Variants in SLFN14 observed in about 807,000 individuals in gnomAD.
SLFN14 encodes the protein protein SLFN14.
In SLFN14, 47 loss-of-function variants were observed where a neutral mutation model predicts 58.6. The ratio of observed to expected loss-of-function variants is 0.80; its 90% CI spans 0.64 to 1.02. SLFN14 has a LOEUF of 1.02. Among genes scored for constraint, SLFN14 ranks in the 50% least tolerant of loss-of-function variants. SLFN14 has a pLI of 0.00. For synonymous variants in SLFN14, 390 were observed against 387.3 expected, an observed-to-expected ratio of 1.01 and a Z score of -0.08; for missense variants, 967 against 1,078.4, an observed-to-expected ratio of 0.90 and a Z score of 1.45.
chr17:35,551,375 C>T (rs1185504933), intron 5 of SLFN14, among the ~76,000 whole-genome samples: 3 of 152,200 alleles, frequency 2.0e-5, no homozygotes, highest in African/African-American at 7.2e-5. Context: ...TGTGGTACCT[C>T]AGCCTATCGT....
rs1223768782 is a variant in SLFN14 at position 35,544,387 on chromosome 17, A to G, written c.*3852T>C. On this transcript the variant is annotated 3_prime_UTR_variant, in exon 6 of 6. Transcript: ENST00000674182. ...TATCTCACAAAACAATTAAATGGAA[A>G]AAGCACACATATACGTTATAAAGTT... is the stretch of plus-strand genomic sequence containing the variant. Among the ~76,000 whole-genome samples, 1 of 151,096 alleles carries G rather than the reference A, an allele frequency of 6.6e-6. No homozygotes were observed. The highest frequency in any genetic ancestry group is 1.5e-5 in the Non-Finnish European group (1 of 67,902).
At chr17:35,552,709 T>C in intron 5 of SLFN14, 21 bp downstream of exon 5, 1 of 1,502,314 alleles carries the variant, frequency 6.7e-7, no homozygotes, top group Non-Finnish European at 9.0e-7. Flanking sequence ...TTTGTGTGTG[T>C]GTAGTTGGTA....
chr17:35,553,369 C>A lies in SLFN14; in HGVS notation c.1265G>T (p.Gly422Val). 1 of 1,551,642 alleles carries A rather than the reference C, an allele frequency of 6.4e-7. No individual in the cohort carries two copies. The highest frequency in any genetic ancestry group is 1.2e-5 in the South Asian group (1 of 84,058). ...KLFSDHKELE[G>V]LMKTLIHPCS... ...AGGATGTATCAGGGTCTTCATTAAA[C>A]CCTCCAGTTCTTTATGATCTGAGAA... Residue 422 changes from glycine (G) to valine (V), a missense_variant, in exon 5 of 6, where the codon GGT (glycine) becomes GTT (valine). By Grantham distance (109) the Gly-to-Val change is moderately radical. Coordinates refer to ENST00000674182, the MANE Select transcript of SLFN14 (RefSeq NM_001129820.2).
chr17:35,550,306 G>A (rs1396812283), intron 5 of SLFN14, among the ~76,000 whole-genome samples: 9 of 152,344 alleles, frequency 5.9e-5, no homozygotes, highest in Non-Finnish European at 1.0e-4. Flanking sequence ...AGCACTTTGC[G>A]AGAAGGAGGT....
At position 35,548,438 on chromosome 17, in the gene SLFN14, A is replaced by G; in HGVS notation, c.2540T>C (p.Val847Ala). The G allele has an allele frequency of 6.4e-7, 1 of 1,551,638 alleles. No individual in the cohort carries two copies. The highest frequency in any genetic ancestry group is 1.2e-5 in the South Asian group (1 of 84,060). ...AACACCGGTGGCCGGGCTAAACACAACCTCTGATGGTCTGTGGGTCTCAAT... is the reference window on the plus strand; with the variant it reads ...AACACCGGTGGCCGGGCTAAACACAGCCTCTGATGGTCTGTGGGTCTCAAT... ...ELIETHRPSE[V>A]VFSPATGVWG... Residue 847 changes from valine to alanine, a missense_variant, in exon 6 of 6, where the codon GTT becomes GCT. Transcript: ENST00000674182.
rs1024104226 is a variant in SLFN14, at chr17:35,545,889, A to AT, written c.*2349dup. 2.0e-5 allele frequency among the ~76,000 whole-genome samples: 3 copies of AT among 152,026 alleles called. No individual in the cohort carries two copies. The highest frequency in any genetic ancestry group is 1.9e-4 in the East Asian group (1 of 5,178). ...AGTCTGGTGTCTGGCCTGATCACTGATTTTTTTTAAGTCGCCCAGGAAATT... is the reference window on the plus strand; with the variant it reads ...AGTCTGGTGTCTGGCCTGATCACTGATTTTTTTTTAAGTCGCCCAGGAAATT... On this transcript the variant is annotated 3_prime_UTR_variant, in exon 6 of 6. Transcript: ENST00000674182.
rs2072613042 is a variant in SLFN14 at position 35,553,153 on chromosome 17, T to C, written c.1481A>G (p.Gln494Arg). ...YARNTAHQLK[Q>R]KLQTVGGYTG... ...GTAACCACCAACAGTTTGCAGTTTC[T>C]GCTTTAACTGATGAGCTGTGTTTCG... is the stretch of plus-strand genomic sequence containing the variant. Residue 494 changes from glutamine (Q) to arginine (R), a missense_variant, in exon 5 of 6, where the codon CAG (glutamine) becomes CGG (arginine). By Grantham distance (43) the Gln-to-Arg change is conservative. Coordinates refer to ENST00000674182, the MANE Select transcript of SLFN14 (RefSeq NM_001129820.2). The C allele has an allele frequency of 6.4e-7, 1 of 1,551,702 alleles. No individual in the cohort carries two copies. The highest frequency in any genetic ancestry group is 1.2e-5 in the South Asian group (1 of 84,066).
intron 5 of SLFN14, among the ~76,000 whole-genome samples, chr17:35,552,480 G>T (rs2072599846): frequency 1.3e-5 from 2 of 151,910 alleles, no homozygotes; most frequent in African/African-American, 4.8e-5. Context: ...ACAGCAGGAG[G>T]GACAATGATC....
chr17:35,556,392 G>C (rs2072652965), intron 3 of SLFN14, among the ~76,000 whole-genome samples: 1 of 152,034 alleles, frequency 6.6e-6, no homozygotes. Flanking sequence ...ATTTTGACTG[G>C]GATGATCAGC....
In SLFN14 at chr17:35,548,677, C is replaced by A; in HGVS notation, c.2301G>T (p.Glu767Asp). 2 of 1,551,730 alleles carry A rather than the reference C, an allele frequency of 1.3e-6. No individual in the cohort carries two copies. The highest frequency in any genetic ancestry group is 1.7e-6 in the Non-Finnish European group (2 of 1,146,996). Reference sequence around the variant, plus strand: ...CACACGTTGCTTCCTCATAGGCAGTCTCGCTGAACAATGCTAATGTGTCTG... The same window carrying A: ...CACACGTTGCTTCCTCATAGGCAGTATCGCTGAACAATGCTAATGTGTCTG... Reference protein sequence around the residue: ...MSPDTLALFSETAYEEATCAQ... With the variant: ...MSPDTLALFSDTAYEEATCAQ... The change falls in exon 6 of 6, where the codon GAG (glutamate) becomes GAT (aspartate). Residue 767 changes from glutamate to aspartate, a missense_variant. Physicochemically the swap from Glu to Asp is conservative, Grantham distance 45. Transcript: ENST00000674182.
In SLFN14 at chr17:35,553,061, T is replaced by C; in HGVS notation, c.1573A>G (p.Ile525Val). The C allele has an allele frequency of 6.4e-7, 1 of 1,551,602 alleles. No homozygotes were observed. The highest frequency in any genetic ancestry group is 8.7e-7 in the Non-Finnish European group (1 of 1,146,972). The change falls in exon 5 of 6, where the codon ATC becomes GTC. Residue 525 changes from isoleucine to valine, a missense_variant. Transcript: ENST00000674182. Reference sequence around the variant, plus strand: ...TAGGACCTGGGGTAACGCAGGGGGATCTCACCAGGTCTACTCTGTGTGCTG... The same window carrying C: ...TAGGACCTGGGGTAACGCAGGGGGACCTCACCAGGTCTACTCTGTGTGCTG... ...LSSTQSRPGE[I>V]PLRYPRSYRL... is the part of the protein sequence containing the mutation.
chr17:35,554,747 A>T (rs1351219454), intron 3 of SLFN14, 43 bp from the exon 4 acceptor site: 3 of 1,244,342 alleles, frequency 2.4e-6, no homozygotes, highest in Middle Eastern at 2.1e-4. Flanking sequence ...AAAAATAAAA[A>T]GTTAAAAAAA....
Position 35,548,526 on chromosome 17 carries a change from G to T in SLFN14, c.2452C>A (p.Leu818Met). Residue 818 changes from leucine to methionine, a missense_variant, in exon 6 of 6, where the codon CTG (leucine) becomes ATG (methionine). By Grantham distance (15) the Leu-to-Met change is conservative. Transcript: ENST00000674182. ...CGYLPKDIAI[L>M]CRRGEDRGRY... ...CCTCTGTCCTCCCCTCTCCTGCACA[G>T]AATTGCTATATCTTTGGGCAGATAG... is the stretch of plus-strand genomic sequence containing the variant. 6.4e-7 allele frequency: 1 copy of T among 1,551,742 alleles called. No individual in the cohort carries two copies. Among genetic ancestry groups the T allele is most frequent in the Non-Finnish European group, 8.7e-7 (1 of 1,146,992 alleles).
chr17:35,555,160 CAGG>C (rs1454936407), intron 3 of SLFN14, among the ~76,000 whole-genome samples: 2 of 151,964 alleles, frequency 1.3e-5, no homozygotes, highest in Admixed American at 6.6e-5. Context: ...ATCACGAGGT[CAGG>C]AGATCAAGAC....
intron 5 of SLFN14, among the ~76,000 whole-genome samples, chr17:35,549,756 C>A (rs974311516): frequency 6.6e-6 from 1 of 152,300 alleles, no homozygotes; most frequent in African/African-American, 2.4e-5. Flanking sequence ...TCACTCATCC[C>A]TACAGATTCC....
At position 35,554,710 on chromosome 17, in the gene SLFN14, C is replaced by G; in HGVS notation, c.1061-6G>C. 7.6e-7 allele frequency: 1 copy of G among 1,314,276 alleles called. No individual in the cohort carries two copies. The highest frequency in any genetic ancestry group is 3.1e-5 in the East Asian group (1 of 32,528). 81.4% of individuals were successfully genotyped at this position (1,314,276 alleles called of 1,614,324 possible). A position where few individuals can be genotyped will look rare whatever the true frequency, so the allele number is the denominator to read the frequency against. On this transcript the variant is annotated splice_polypyrimidine_tract_variant and splice_region_variant and intron_variant, in intron 3 of 5. Coordinates refer to ENST00000674182, the MANE Select transcript of SLFN14 (RefSeq NM_001129820.2). ...TGTGACCAAACTGGGAGGAGCTAGA[C>G]AATTACATGGAAAGTTGTTTCAGAC... is the stretch of plus-strand genomic sequence containing the variant.
At chr17:35,559,039 A>T (rs2142214277) in intron 2 of SLFN14, among the ~76,000 whole-genome samples, 1 of 148,242 alleles carries the variant, frequency 6.7e-6, no homozygotes, top group Admixed American at 6.8e-5. Context: ...GCAAGACCCC[A>T]TCTCGACAAA....
At chr17:35,551,911 C>T (rs1418915468) in intron 5 of SLFN14, among the ~76,000 whole-genome samples, 1 of 152,162 alleles carries the variant, frequency 6.6e-6, no homozygotes, top group African/African-American at 2.4e-5. Flanking sequence ...TTCTTAGGAC[C>T]TCTAGCAGCT....
chr17:35,557,186 T>G lies in SLFN14; in HGVS notation c.877A>C (p.Thr293Pro). 1 of 1,551,766 alleles carries G rather than the reference T, an allele frequency of 6.4e-7. No homozygotes were observed. ...FCCEKPKVNF[T>P]TKILNVYQKD... ...TGGTACACATTCAGGATTTTTGTAGTGAAATTTACCTTTGGCTTCTCACAG... is the reference window on the plus strand; with the variant it reads ...TGGTACACATTCAGGATTTTTGTAGGGAAATTTACCTTTGGCTTCTCACAG... The change falls in exon 3 of 6, where the codon ACT (threonine) becomes CCT (proline). Residue 293 changes from threonine (T) to proline (P), a missense_variant. Coordinates refer to ENST00000674182, the MANE Select transcript of SLFN14 (RefSeq NM_001129820.2).
Sources: allele counts gnomAD v4.1 joint callset (sites outside exome capture counted in the v4.1 genomes callset), GRCh38; gene constraint gnomAD v4.1.1; transcripts MANE v1.5; gene names NCBI Gene and HGNC (gene_info 2026-07-23, HGNC 2026-07-21).